AHCYL1: variants seen among roughly 807,000 people sequenced by gnomAD.
AHCYL1 encodes the protein S-adenosylhomocysteine hydrolase-like protein 1.
AHCYL1 carries 20 observed loss-of-function variants against 79.3 expected under a neutral mutation model. The ratio of observed to expected loss-of-function variants is 0.25; its 90% CI spans 0.18 to 0.37. The LOEUF (loss-of-function observed/expected upper bound fraction) is 0.37, where lower values mean the gene tolerates loss of function less well. Ranked by LOEUF, AHCYL1 falls within the 10% of genes least tolerant of loss-of-function variation. The pLI, the probability that AHCYL1 is intolerant of heterozygous loss-of-function variation, is 1.00. For missense variants in AHCYL1, 330 were observed against 673.6 expected, an observed-to-expected ratio of 0.49 and a Z score of 5.65; for synonymous variants, 223 against 242.2, an observed-to-expected ratio of 0.92 and a Z score of 0.74.
At chr1:110,009,813 T>C (rs1202275082) in intron 2 of AHCYL1, among the ~76,000 whole-genome samples, 2 of 152,206 alleles carry the variant, frequency 1.3e-5, no homozygotes, top group Non-Finnish European at 2.9e-5. Context: ...GAAAAGAATA[T>C]AGAATCTTGG....
intron 2 of AHCYL1, among the ~76,000 whole-genome samples, chr1:110,009,502 G>A (rs939232993): frequency 1.3e-5 from 2 of 152,252 alleles, no homozygotes; most frequent in African/African-American, 4.8e-5. Flanking sequence ...TTTGAAGCAC[G>A]ATTTCTTTGT....
chr1:109,994,058 G>T (rs1281448829), intron 1 of AHCYL1, among the ~76,000 whole-genome samples: 1 of 152,174 alleles, frequency 6.6e-6, no homozygotes, highest in African/African-American at 2.4e-5. Flanking sequence ...TGAGTTTGAT[G>T]CTCAAAAGCT....
rs1651818907 is a variant in AHCYL1, at chr1:110,021,755, T to G, written c.*75T>G. The stretch of plus-strand genomic sequence containing the variant: ...AATATTTTTTAAGATAACTTTTATT[T>G]TCTTCTTACTCCTTTCCTCTTGATT... On this transcript the variant is annotated 3_prime_UTR_variant, in exon 17 of 17. Coordinates refer to ENST00000369799, the MANE Select transcript of AHCYL1 (RefSeq NM_006621.7). 1 of 1,451,628 alleles carries G rather than the reference T, an allele frequency of 6.9e-7. No individual in the cohort carries two copies. The highest frequency in any genetic ancestry group is 1.9e-5 in the Admixed American group (1 of 52,916). 89.9% of individuals were successfully genotyped at this position (1,451,628 alleles called of 1,614,324 possible).
At chr1:110,002,089 CT>C (rs1376574505) in intron 1 of AHCYL1, among the ~76,000 whole-genome samples, 2 of 152,072 alleles carry the variant, frequency 1.3e-5, no homozygotes, top group Non-Finnish European at 2.9e-5. Flanking sequence ...GAAAATTAAA[CT>C]TTTTTTAAAA....
At chr1:110,005,941 G>A (rs138035181) in intron 1 of AHCYL1, among the ~76,000 whole-genome samples, 45 of 152,194 alleles carry the variant, frequency 3.0e-4, no homozygotes, top group African/African-American at 7.0e-4. Flanking sequence ...CAAATTATTC[G>A]TTTGGTAGAG....
chr1:109,997,356 G>T (rs1650082228), intron 1 of AHCYL1, among the ~76,000 whole-genome samples: 1 of 152,184 alleles, frequency 6.6e-6, no homozygotes, highest in Non-Finnish European at 1.5e-5. Context: ...CCAGAGTAGA[G>T]ATTAGAGAAA....
intron 1 of AHCYL1, among the ~76,000 whole-genome samples, chr1:110,002,129 A>G (rs765681326): frequency 6.6e-6 from 1 of 152,254 alleles, no homozygotes; most frequent in Non-Finnish European, 1.5e-5. Flanking sequence ...AAGTAGAAAT[A>G]TCAATATGAA....
At chr1:109,989,689 G>A (rs924783649) in intron 1 of AHCYL1, among the ~76,000 whole-genome samples, 4 of 152,138 alleles carry the variant, frequency 2.6e-5, no homozygotes, top group Admixed American at 6.5e-5. Flanking sequence ...AGGAACTGGC[G>A]AATAAAGGAG....
intron 1 of AHCYL1, among the ~76,000 whole-genome samples, chr1:110,008,259 A>T (rs940551242): frequency 3.9e-5 from 6 of 152,026 alleles, no homozygotes; most frequent in African/African-American, 1.5e-4. Context: ...TGACCTCGTG[A>T]TCTACCCAAA....
At chr1:109,993,099 A>G (rs1649851373) in intron 1 of AHCYL1, among the ~76,000 whole-genome samples, 1 of 152,130 alleles carries the variant, frequency 6.6e-6, no homozygotes, top group Admixed American at 6.5e-5. Context: ...CTTAACACAC[A>G]TTCGAACCGG....
intron 1 of AHCYL1, among the ~76,000 whole-genome samples, chr1:109,991,855 T>C (rs1038521118): frequency 6.6e-6 from 1 of 152,220 alleles, no homozygotes; most frequent in African/African-American, 2.4e-5. Flanking sequence ...TACTGAGTTT[T>C]GAGCAATGAG....
At chr1:109,996,370 A>C (rs1217476133) in intron 1 of AHCYL1, among the ~76,000 whole-genome samples, 2 of 152,222 alleles carry the variant, frequency 1.3e-5, no homozygotes, top group Non-Finnish European at 2.9e-5. Context: ...GGAATCATGT[A>C]GCCCCATCTG....
chr1:110,004,210 G>A (rs936205598), intron 1 of AHCYL1: 14 of 985,490 alleles, frequency 1.4e-5, no homozygotes, highest in Middle Eastern at 1.0e-3. Context: ...GGGAGTCGGC[G>A]GGGGAAGATA....
intron 1 of AHCYL1, among the ~76,000 whole-genome samples, chr1:109,986,575 C>G (rs1372798097): frequency 6.6e-6 from 1 of 152,130 alleles, no homozygotes; most frequent in Non-Finnish European, 1.5e-5. Flanking sequence ...CAGTCACAGT[C>G]CTTATAAGCA....
In AHCYL1 at chr1:110,012,476, A is replaced by G; in HGVS notation, c.477+14A>G. 4 of 1,567,442 alleles carry G rather than the reference A, an allele frequency of 2.6e-6. No individual in the cohort carries two copies. The highest frequency in any genetic ancestry group is 3.5e-6 in the Non-Finnish European group (4 of 1,158,668). On this transcript the variant is annotated intron_variant, in intron 4 of 16. Coordinates refer to ENST00000369799, the MANE Select transcript of AHCYL1 (RefSeq NM_006621.7). ...GCCCAGACAGCGGTGAGTTTGTTGG[A>G]AGAAAAGAGGGACTTCTGATAAGGG... is the stretch of plus-strand genomic sequence containing the variant.
In AHCYL1 at chr1:109,984,992, G is replaced by A; in HGVS notation, c.-61G>A. On this transcript the variant is annotated 5_prime_UTR_variant, in exon 1 of 17. Transcript: ENST00000369799. ...AGGGCGCCGCGCGGGCAGGCGGGCG[G>A]GCGCCAGAGGGGGAAAGAGGCGGGG... The A allele has an allele frequency of 7.1e-7, 1 of 1,400,552 alleles. No individual in the cohort carries two copies. Among genetic ancestry groups the A allele is most frequent in the Middle Eastern group, 2.4e-4 (1 of 4,180 alleles). The allele number at this position is 1,400,552 out of a possible 1,614,324, so 86.8% of individuals were successfully genotyped here. A position where few individuals can be genotyped will look rare whatever the true frequency, so the allele number is the denominator to read the frequency against.
chr1:110,013,188 A>C (rs758132206), intron 5 of AHCYL1, among the ~76,000 whole-genome samples, 189 bp downstream of exon 5: 13 of 152,216 alleles, frequency 8.5e-5, no homozygotes, highest in Non-Finnish European at 1.9e-4. Context: ...AATATTATGT[A>C]GTCATTAAAA....
At chr1:110,005,768 A>AG (rs1479729448) in intron 1 of AHCYL1, among the ~76,000 whole-genome samples, 13 of 152,174 alleles carry the variant, frequency 8.5e-5, no homozygotes, top group Non-Finnish European at 1.6e-4. Flanking sequence ...GTAAAAAAAA[A>AG]AAAAATCAAT....
At chr1:109,999,220 TACC>T (rs1291064424) in intron 1 of AHCYL1, among the ~76,000 whole-genome samples, 4 of 152,198 alleles carry the variant, frequency 2.6e-5, no homozygotes, top group Admixed American at 6.5e-5. Flanking sequence ...GTGAAATTAT[TACC>T]ACAGTCAAGC....
Sources: gnomAD v4.1 joint callset for allele counts (sites outside exome capture counted in the v4.1 genomes callset) on GRCh38, gnomAD v4.1.1 for gene constraint, MANE v1.5 for transcripts, NCBI Gene and HGNC (gene_info 2026-07-23, HGNC 2026-07-21) for gene names.